GNB1: variants seen among roughly 807,000 people sequenced by gnomAD.
GNB1 encodes G protein subunit beta 1, also known as guanine nucleotide-binding protein G(I)/G(S)/G(T) subunit beta-1.
GNB1 carries 2 observed loss-of-function variants against 42.9 expected under a neutral mutation model. That is an observed-to-expected ratio of 0.05 (90% CI 0.02 to 0.15). The LOEUF (loss-of-function observed/expected upper bound fraction) is 0.15, where lower values mean the gene tolerates loss of function less well. Ranked by LOEUF, GNB1 falls within the 10% of genes least tolerant of loss-of-function variation. GNB1 has a pLI of 1.00. For synonymous variants in GNB1, 183 were observed against 174.7 expected, an observed-to-expected ratio of 1.05 and a Z score of -0.38; for missense variants, 193 against 462.2, an observed-to-expected ratio of 0.42 and a Z score of 5.34.
At chr1:1,803,396 G>A (rs1021396515) in intron 7 of GNB1, among the ~76,000 whole-genome samples, 10 of 152,198 alleles carry the variant, frequency 6.6e-5, no homozygotes, top group African/African-American at 2.4e-4. Context: ...ACCCAGGCTT[G>A]AGCCATCCTC....
intron 1 of GNB1, among the ~76,000 whole-genome samples, chr1:1,852,183 T>C (rs560381272): frequency 3.9e-5 from 6 of 152,226 alleles, no homozygotes; most frequent in Admixed American, 3.3e-4. Flanking sequence ...GGCGATCACT[T>C]GAGGCCAGGA....
intron 2 of GNB1, among the ~76,000 whole-genome samples, chr1:1,833,196 C>T (rs78015446): frequency 6.6e-6 from 1 of 152,060 alleles, no homozygotes; most frequent in East Asian, 1.9e-4. Flanking sequence ...TGTCTTACAC[C>T]GGGGCAGGAA....
intron 5 of GNB1, among the ~76,000 whole-genome samples, chr1:1,812,052 C>T (rs1402589124): frequency 6.7e-6 from 1 of 149,504 alleles, no homozygotes; most frequent in African/African-American, 2.5e-5. Context: ...GGTGACAGAG[C>T]GAGACTCCGT....
intron 1 of GNB1, among the ~76,000 whole-genome samples, chr1:1,857,499 G>A (rs1648371537): frequency 6.6e-6 from 1 of 152,172 alleles, no homozygotes. Context: ...CTCACTGTCT[G>A]CAGGCCAGGT....
chr1:1,864,337 G>GAA (rs1245850367), intron 1 of GNB1, among the ~76,000 whole-genome samples: 2 of 91,178 alleles, frequency 2.2e-5, no homozygotes, highest in Admixed American at 3.1e-4. Context: ...AAAAAAAAAA[G>GAA]AAGAAAACCC....
At chr1:1,861,457 AAATAATAAT>A (rs746339517) in intron 1 of GNB1, among the ~76,000 whole-genome samples, 3 of 151,426 alleles carry the variant, frequency 2.0e-5, no homozygotes, top group Non-Finnish European at 4.4e-5. Flanking sequence ...ACTGTCTCAA[AAATAATAAT>A]AATAATAATA....
intron 1 of GNB1, among the ~76,000 whole-genome samples, chr1:1,853,107 G>C (rs1648081379): frequency 6.6e-6 from 1 of 151,616 alleles, no homozygotes; most frequent in African/African-American, 2.4e-5. Context: ...TTCCCCTCCT[G>C]CCCCTGTGCT....
At chr1:1,845,639 G>GTA (rs1647605301) in intron 1 of GNB1, among the ~76,000 whole-genome samples, 1 of 151,988 alleles carries the variant, frequency 6.6e-6, no homozygotes, top group African/African-American at 2.4e-5. Context: ...ATATGGATAT[G>GTA]TATGCCAGAG....
chr1:1,850,316 G>C lies in GNB1; in HGVS notation c.-95-11078C>G, dbSNP rs138557913. ...CTGCTAATTTTTTTTATTTTTAGTAGAGACGGGGTTTCTCCATGTTGGTCA... is the reference window on the plus strand; with the variant it reads ...CTGCTAATTTTTTTTATTTTTAGTACAGACGGGGTTTCTCCATGTTGGTCA... On this transcript the variant is annotated intron_variant, in intron 1 of 11. Coordinates refer to ENST00000378609, the MANE Select transcript of GNB1 (RefSeq NM_002074.5). Among the ~76,000 whole-genome samples, 952 of 152,046 alleles carry C rather than the reference G, an allele frequency of 6.3e-3. 8 individuals carry two copies. Among genetic ancestry groups the C allele is most frequent in the Middle Eastern group, 0.01 (3 of 294 alleles).
chr1:1,824,745 A>C lies in GNB1; in HGVS notation c.57+652T>G, dbSNP rs921506157. Among the ~76,000 whole-genome samples the C allele has an allele frequency of 4.6e-5, 7 of 151,746 alleles. No homozygotes were observed. In the South Asian group the frequency reaches 1.5e-3, roughly 32 times the overall value. On this transcript the variant is annotated intron_variant, in intron 3 of 11. Coordinates refer to ENST00000378609, the MANE Select transcript of GNB1 (RefSeq NM_002074.5). ...ACACCACCACACCCAGCTAATTTTTATATTTTTTGTAGAGATGGGGGTTTC... is the reference window on the plus strand; with the variant it reads ...ACACCACCACACCCAGCTAATTTTTCTATTTTTTGTAGAGATGGGGGTTTC...
intron 1 of GNB1, among the ~76,000 whole-genome samples, chr1:1,847,612 G>A (rs1185870027): frequency 1.3e-5 from 2 of 152,188 alleles, no homozygotes; most frequent in Admixed American, 6.6e-5. Flanking sequence ...AAGTCTGGAA[G>A]GATTATCCTG....
intron 5 of GNB1, among the ~76,000 whole-genome samples, chr1:1,814,760 C>A (rs2100841079): frequency 6.9e-6 from 1 of 145,904 alleles, no homozygotes; most frequent in African/African-American, 2.6e-5. Flanking sequence ...TATGATCACA[C>A]CACTGCACTC....
chr1:1,871,877 T>G (rs1427569301), intron 1 of GNB1, among the ~76,000 whole-genome samples: 1 of 152,158 alleles, frequency 6.6e-6, no homozygotes, highest in Non-Finnish European at 1.5e-5. Context: ...TTCTTCCCAT[T>G]TCCTTAGTCT....
chr1:1,865,454 C>T (rs1415336022), intron 1 of GNB1, among the ~76,000 whole-genome samples: 1 of 151,740 alleles, frequency 6.6e-6, no homozygotes, highest in Non-Finnish European at 1.5e-5. Context: ...GGTGTGGTGG[C>T]GGGCACCTGT....
chr1:1,869,055 G>A (rs1407476502), intron 1 of GNB1, among the ~76,000 whole-genome samples: 3 of 150,726 alleles, frequency 2.0e-5, no homozygotes, highest in African/African-American at 7.3e-5. Context: ...GTGTGGTGGC[G>A]GGCACCTGTA....
chr1:1,863,590 T>C (rs1192678861), intron 1 of GNB1, among the ~76,000 whole-genome samples: 1 of 152,194 alleles, frequency 6.6e-6, no homozygotes, highest in Non-Finnish European at 1.5e-5. Flanking sequence ...TTCTACATGC[T>C]GCTACTCTGT....
Position 1,875,435 on chromosome 1 carries a change from C to T in GNB1, c.-96+15385G>A, listed in dbSNP as rs191569521. Among the ~76,000 whole-genome samples the T allele has an allele frequency of 2.6e-3, 396 of 152,268 alleles. 8 individuals carry two copies. Among genetic ancestry groups the T allele is most frequent in the Admixed American group, 0.022 (329 of 15,274 alleles). On this transcript the variant is annotated intron_variant, in intron 1 of 11. Coordinates refer to ENST00000378609, the MANE Select transcript of GNB1 (RefSeq NM_002074.5). ...CTCAAACTCCTGGCCTCAAGTGATC[C>T]ACCCGCTGTGGCCTCCCAAAGTGCT...
At chr1:1,888,611 G>A (rs1311574632) in intron 1 of GNB1, among the ~76,000 whole-genome samples, 1 of 152,178 alleles carries the variant, frequency 6.6e-6, no homozygotes, top group Admixed American at 6.5e-5. Context: ...ATCAAGGCGG[G>A]TGAATCACCT....
At chr1:1,847,758 T>A (rs1312579005) in intron 1 of GNB1, among the ~76,000 whole-genome samples, 1 of 151,694 alleles carries the variant, frequency 6.6e-6, no homozygotes, top group Non-Finnish European at 1.5e-5. Flanking sequence ...GAGGAAATCA[T>A]GAAAAGACTG....
Sources: allele counts gnomAD v4.1 joint callset (sites outside exome capture counted in the v4.1 genomes callset), GRCh38; gene constraint gnomAD v4.1.1; transcripts MANE v1.5; gene names NCBI Gene and HGNC (gene_info 2026-07-23, HGNC 2026-07-21).